SMYD3: variants seen among roughly 807,000 people sequenced by gnomAD.
SMYD3 encodes histone-lysine N-methyltransferase SMYD3.
In SMYD3, 36 loss-of-function variants were observed where a neutral mutation model predicts 57.7. That is an observed-to-expected ratio of 0.62 (90% confidence interval 0.48 to 0.82). SMYD3 has a LOEUF of 0.82. Ranked by LOEUF, SMYD3 falls within the 40% of genes least tolerant of loss-of-function variation. The pLI is 0.00. For synonymous variants in SMYD3, 211 were observed against 195.0 expected (o/e 1.08, Z -0.68); for missense variants, 515 against 538.8 (o/e 0.96, Z 0.44).
At chr1:246,480,998 C>G (rs1484719861) in intron 1 of SMYD3, among the ~76,000 whole-genome samples, 1 of 152,032 alleles carries the variant, frequency 6.6e-6, no homozygotes, top group African/African-American at 2.4e-5. Flanking sequence ...CAGGGTATCA[C>G]AATATTGGCC....
At chr1:246,453,827 C>T (rs773962116) in intron 1 of SMYD3, among the ~76,000 whole-genome samples, 5 of 152,172 alleles carry the variant, frequency 3.3e-5, no homozygotes, top group Non-Finnish European at 7.3e-5. Flanking sequence ...AGCCCAAGAG[C>T]ACGGTCATGA....
At chr1:246,391,392 GAAAGAGAGAGAGAGAAAGAGAGAGAA>G (rs1413370457) in intron 1 of SMYD3, among the ~76,000 whole-genome samples, 6 of 91,900 alleles carry the variant, frequency 6.5e-5, no homozygotes, top group South Asian at 5.1e-4. Context: ...GAGAGAGAGA[GAAAGAGAGAGAGAGAAAGAGAGAGAA>G]AAAGAGAGAG....
chr1:245,853,422 G>A (rs914171676), intron 10 of SMYD3, among the ~76,000 whole-genome samples: 3 of 152,002 alleles, frequency 2.0e-5, no homozygotes, highest in Admixed American at 6.6e-5. Flanking sequence ...GGTATGTGAC[G>A]GCATCGAACG....
intron 3 of SMYD3, among the ~76,000 whole-genome samples, chr1:246,330,944 G>A (rs749990503): frequency 2.6e-4 from 40 of 152,144 alleles, no homozygotes; most frequent in Non-Finnish European, 4.9e-4. Flanking sequence ...AGGCCAGCCT[G>A]GGCAACATGG....
At chr1:246,158,817 A>T (rs2062066851) in intron 5 of SMYD3, among the ~76,000 whole-genome samples, 1 of 152,240 alleles carries the variant, frequency 6.6e-6, no homozygotes, top group African/African-American at 2.4e-5. Context: ...CACGTTTTGT[A>T]TGCATTTAAG....
At chr1:246,026,678 T>C (rs1230437999) in intron 5 of SMYD3, among the ~76,000 whole-genome samples, 1 of 152,214 alleles carries the variant, frequency 6.6e-6, no homozygotes, top group African/African-American at 2.4e-5. Context: ...CATGAATGTG[T>C]GCATTCTGAC....
chr1:245,798,447 AAAATATG>A (rs1197533534), intron 10 of SMYD3, among the ~76,000 whole-genome samples: 6 of 5,172 alleles, frequency 1.2e-3, no homozygotes, highest in South Asian at 7.4e-3. Flanking sequence ...CACACACATA[AAAATATG>A]CACACACATA....
chr1:246,013,085 G>C (rs545796782), intron 5 of SMYD3, among the ~76,000 whole-genome samples: 15 of 152,234 alleles, frequency 9.9e-5, no homozygotes, highest in African/African-American at 3.6e-4. Context: ...CGTTTCCTAG[G>C]GTTTTTGTGT....
chr1:245,788,029 A>C (rs1319607172), intron 10 of SMYD3, among the ~76,000 whole-genome samples: 1 of 152,202 alleles, frequency 6.6e-6, no homozygotes, highest in Non-Finnish European at 1.5e-5. Flanking sequence ...AGCACAGGGA[A>C]CAGGGCAAGG....
At chr1:245,881,935 G>A (rs1278724501) in intron 8 of SMYD3, among the ~76,000 whole-genome samples, 1 of 152,218 alleles carries the variant, frequency 6.6e-6, no homozygotes, top group East Asian at 1.9e-4. Flanking sequence ...CCGTGAGCCT[G>A]AGCCGAGACT....
In SMYD3 at chr1:245,990,352, G is replaced by A. The variant is rs1250685445; in HGVS notation, c.532-60415C>T. On this transcript the variant is annotated intron_variant, in intron 5 of 11. Transcript: ENST00000490107. Reference sequence around the variant, plus strand: ...AATCCTCCCGCCTGGGCATCCCAAAGTGCTGGGATTATAGGCATGAGCCAC... The same window carrying A: ...AATCCTCCCGCCTGGGCATCCCAAAATGCTGGGATTATAGGCATGAGCCAC... Among the ~76,000 whole-genome samples the A allele has an allele frequency of 2.0e-5, 3 of 152,312 alleles. No homozygotes were observed. The East Asian group carries it at 5.8e-4, about 29-fold the overall frequency.
intron 5 of SMYD3, among the ~76,000 whole-genome samples, chr1:246,306,642 A>G (rs1410325956): frequency 6.6e-6 from 1 of 152,224 alleles, no homozygotes; most frequent in Non-Finnish European, 1.5e-5. Flanking sequence ...CCAAAATTAA[A>G]TTTGTACACC....
At chr1:245,829,640 T>A (rs2049720218) in intron 10 of SMYD3, among the ~76,000 whole-genome samples, 1 of 152,208 alleles carries the variant, frequency 6.6e-6, no homozygotes, top group South Asian at 2.1e-4. Flanking sequence ...CCACTCTAGA[T>A]ATACACTTGA....
At chr1:246,220,737 TG>T (rs1251347240) in intron 5 of SMYD3, among the ~76,000 whole-genome samples, 1 of 152,132 alleles carries the variant, frequency 6.6e-6, no homozygotes, top group African/African-American at 2.4e-5. Context: ...TTCCGGGGCA[TG>T]GAGTGGAAAC....
chr1:246,497,357 G>C (rs937281306), intron 1 of SMYD3, among the ~76,000 whole-genome samples: 2 of 152,216 alleles, frequency 1.3e-5, no homozygotes, highest in African/African-American at 4.8e-5. Flanking sequence ...CAAAATAAGA[G>C]TTAATGGCAA....
chr1:246,300,237 GCA>G (rs747323282), intron 5 of SMYD3, among the ~76,000 whole-genome samples: 2 of 152,034 alleles, frequency 1.3e-5, no homozygotes, highest in Non-Finnish European at 2.9e-5. Flanking sequence ...TTTTCATAAT[GCA>G]CATAGTTTTT....
intron 1 of SMYD3, among the ~76,000 whole-genome samples, chr1:246,363,873 A>T (rs2148719524): frequency 6.6e-6 from 1 of 152,168 alleles, no homozygotes; most frequent in South Asian, 2.1e-4. Flanking sequence ...TTGTCCTATG[A>T]CCCTGCCAAA....
At chr1:246,005,403 T>G (rs922289504) in intron 5 of SMYD3, among the ~76,000 whole-genome samples, 17 of 152,242 alleles carry the variant, frequency 1.1e-4, no homozygotes, top group Admixed American at 1.0e-3. Context: ...GATTTGATTT[T>G]CAATCCTGGT....
chr1:246,219,164 C>CTTT (rs1417905233), intron 5 of SMYD3, among the ~76,000 whole-genome samples: 1 of 152,202 alleles, frequency 6.6e-6, no homozygotes, highest in East Asian at 1.9e-4. Context: ...AAACCATGGC[C>CTTT]CAAAGTAGAA....
Sources: gnomAD v4.1 joint callset for allele counts (sites outside exome capture counted in the v4.1 genomes callset) on GRCh38, gnomAD v4.1.1 for gene constraint, MANE v1.5 for transcripts, NCBI Gene and HGNC (gene_info 2026-07-23, HGNC 2026-07-21) for gene names.